MYO1H: variants seen among roughly 807,000 people sequenced by gnomAD.
MYO1H encodes unconventional myosin-Ih.
Under a neutral mutation model 149.3 loss-of-function variants are expected in MYO1H, and 118 were observed. The ratio of observed to expected loss-of-function variants is 0.79; its 90% confidence interval spans 0.68 to 0.92. The LOEUF (loss-of-function observed/expected upper bound fraction) is 0.92, where lower values mean the gene tolerates loss of function less well. Ranked by LOEUF, MYO1H falls within the 40% of genes least tolerant of loss-of-function variation. The pLI, the probability that MYO1H is intolerant of heterozygous loss-of-function variation, is 0.00. For synonymous variants in MYO1H, 447 were observed against 465.2 expected, an observed-to-expected ratio of 0.96 and a Z score of 0.50; for missense variants, 1,212 against 1,280.7, an observed-to-expected ratio of 0.95 and a Z score of 0.82.
At chr12:109,407,599 A>G (rs1870447989) in intron 9 of MYO1H, among the ~76,000 whole-genome samples, 195 bp from the exon 10 acceptor site, 2 of 111,140 alleles carry the variant, frequency 1.8e-5, no homozygotes, top group Non-Finnish European at 3.5e-5. Flanking sequence ...CCACATTTCT[A>G]CAAAAAAAAA....
At chr12:109,432,925 C>T (rs569334663) in exon 20 of MYO1H, 1 of 1,613,996 alleles carries the variant, frequency 6.2e-7, no homozygotes, top group Non-Finnish European at 8.5e-7. Flanking sequence ...AGACACCTGG[C>T]CGCACTGGCA....
chr12:109,415,701 A>G, intron 15 of MYO1H, 81 bp downstream of exon 15: 2 of 1,039,084 alleles, frequency 1.9e-6, no homozygotes, highest in East Asian at 2.8e-5. Context: ...TCCATGCAGG[A>G]AATGGTGCAC....
chr12:109,344,252 A>T (rs943682629), upstream of MYO1H, among the ~76,000 whole-genome samples: 1 of 152,224 alleles, frequency 6.6e-6, no homozygotes, highest in Admixed American at 6.5e-5. Flanking sequence ...ACTCAAAAAT[A>T]TGACACCAAG....
At chr12:109,443,977 G>T (rs1872365884) in intron 28 of MYO1H, among the ~76,000 whole-genome samples, 1 of 151,864 alleles carries the variant, frequency 6.6e-6, no homozygotes, top group Admixed American at 6.6e-5. Context: ...CCCTTATTCT[G>T]GCATAAATAT....
intron 1 of MYO1H, among the ~76,000 whole-genome samples, chr12:109,369,379 G>A (rs2137013506): frequency 6.6e-6 from 1 of 152,282 alleles, no homozygotes. Context: ...GATTTTGTCT[G>A]GATAAATACA....
At position 109,431,992 on chromosome 12, in the gene MYO1H, A is replaced by AAT. The variant is rs1240149654; in HGVS notation, c.1950-905_1950-904insAT. ...ACTGCCACACCTGGCTAAAAAAAAA[A>AAT]TTTTTTTTTTTTTTTTTTTTTTTTT... On this transcript the variant is annotated intron_variant, in intron 19 of 31. Coordinates refer to ENST00000310903, the Ensembl canonical transcript of MYO1H. 2.7e-3 allele frequency among the ~76,000 whole-genome samples: 232 copies of AAT among 85,790 alleles called. 3 individuals are homozygous for AAT. The highest frequency in any genetic ancestry group is 0.012 in the African/African-American group (225 of 18,770). The allele number at this position is 85,790 out of a possible 152,430, so 56.3% of individuals were successfully genotyped here. A position where few individuals can be genotyped will look rare whatever the true frequency, so the allele number is the denominator to read the frequency against.
chr12:109,337,325 C>T, the MYO1H span, among the ~76,000 whole-genome samples: 29 of 152,262 alleles, frequency 1.9e-4, no homozygotes, highest in African/African-American at 4.8e-4. Flanking sequence ...TGCCCACTCC[C>T]GGGGAACCAT....
Position 109,439,536 on chromosome 12 carries a change from C to CA in MYO1H, c.2295-94dup, listed in dbSNP as rs1872021798. On this transcript the variant is annotated intron_variant, in intron 23 of 31. Transcript: ENST00000310903. Reference sequence around the variant, plus strand: ...ATGTGGTCATCTCCACAGCCTCTACCACTTTGGCCGCCTCTGAATCAAAGA... The same window carrying CA: ...ATGTGGTCATCTCCACAGCCTCTACCAACTTTGGCCGCCTCTGAATCAAAGA... 4.8e-6 allele frequency: 5 copies of CA among 1,033,134 alleles called. No homozygotes were observed. The South Asian group carries it at 6.4e-5, about 13-fold the overall frequency. The allele number at this position is 1,033,134 out of a possible 1,614,324, so 64.0% of individuals were successfully genotyped here.
chr12:109,445,855 C>T (rs1872458559), intron 31 of MYO1H: 1 of 985,276 alleles, frequency 1.0e-6, no homozygotes, highest in Admixed American at 6.2e-5. Flanking sequence ...CAGAAGCTGA[C>T]ATGAGACACT....
the MYO1H span, among the ~76,000 whole-genome samples, chr12:109,313,007 G>A: frequency 2.0e-5 from 3 of 152,082 alleles, 1 homozygote; most frequent in African/African-American, 7.2e-5. Context: ...TTGGGAGGCC[G>A]AGGCGGGTGG....
chr12:109,348,535 T>G (rs142318291), intron 1 of MYO1H, among the ~76,000 whole-genome samples: 7 of 152,360 alleles, frequency 4.6e-5, no homozygotes, highest in African/African-American at 1.7e-4. Flanking sequence ...ACCTTGTGTT[T>G]CCTTTTAAAT....
the MYO1H span, among the ~76,000 whole-genome samples, chr12:109,333,393 A>C: frequency 6.6e-6 from 1 of 151,934 alleles, no homozygotes; most frequent in Admixed American, 6.6e-5. Flanking sequence ...CTGAGGACTC[A>C]TGGTGCATGG....
intron 27 of MYO1H, among the ~76,000 whole-genome samples, chr12:109,442,792 G>C (rs1300908737): frequency 1.1e-5 from 1 of 93,522 alleles, no homozygotes; most frequent in African/African-American, 5.1e-5. Context: ...GCCAGTGTCT[G>C]CTCTTTTTTT....
intron 1 of MYO1H, among the ~76,000 whole-genome samples, chr12:109,373,043 A>G (rs1477910276): frequency 6.6e-6 from 1 of 152,076 alleles, no homozygotes; most frequent in Admixed American, 6.6e-5. Flanking sequence ...CTACCATTGC[A>G]TATTCTAACT....
At position 109,445,727 on chromosome 12, in the gene MYO1H, T is replaced by G; in HGVS notation, c.3093+115T>G. On this transcript the variant is annotated intron_variant, in intron 31 of 31. Coordinates refer to ENST00000310903, the Ensembl canonical transcript of MYO1H. The stretch of plus-strand genomic sequence containing the variant: ...GAATCATAAGCTATTAATAGTTCAT[T>G]TCTGCCCTCTATTCCTAATTCTACA... 2.1e-6 allele frequency: 3 copies of G among 1,404,980 alleles called. No individual in the cohort carries two copies. The South Asian group carries it at 5.2e-5, about 24-fold the overall frequency. 87.0% of individuals were successfully genotyped at this position (1,404,980 alleles called of 1,614,324 possible).
the MYO1H span, among the ~76,000 whole-genome samples, chr12:109,312,036 G>T: frequency 1.3e-5 from 2 of 152,196 alleles, no homozygotes; most frequent in African/African-American, 4.8e-5. Context: ...GGCTATGTAA[G>T]AAATATTTGT....
chr12:109,327,122 C>CT, the MYO1H span, among the ~76,000 whole-genome samples: 3,781 of 110,332 alleles, frequency 0.034, 541 homozygotes, highest in African/African-American at 0.074. Context: ...TTTTCTTTTT[C>CT]TTTTTCTTTT....
chr12:109,344,056 T>G (rs2048094884), upstream of MYO1H, among the ~76,000 whole-genome samples: 1 of 152,106 alleles, frequency 6.6e-6, no homozygotes, highest in South Asian at 2.1e-4. Flanking sequence ...TTTTGAGGAG[T>G]ACAAAGCAGG....
intron 1 of MYO1H, among the ~76,000 whole-genome samples, chr12:109,353,917 A>G (rs1021745772): frequency 6.6e-6 from 1 of 152,110 alleles, no homozygotes; most frequent in African/African-American, 2.4e-5. Flanking sequence ...TCAGCCCCCA[A>G]ATTGCTGGGA....
Sources: allele counts gnomAD v4.1 joint callset (sites outside exome capture counted in the v4.1 genomes callset), GRCh38; gene constraint gnomAD v4.1.1; transcripts MANE v1.5; gene names NCBI Gene and HGNC (gene_info 2026-07-23, HGNC 2026-07-21).